The following AUTS2 variants were observed in gnomAD, a reference collection of about 807,000 sequenced individuals.
The protein encoded by AUTS2 is autism susceptibility gene 2 protein.
In AUTS2, 17 loss-of-function variants were observed where a neutral mutation model predicts 112.4. That is an observed-to-expected ratio of 0.15 (90% CI 0.10 to 0.23). AUTS2 has a LOEUF of 0.23. AUTS2 is among the 10% of genes least tolerant of loss of function. The pLI is 1.00. For missense variants in AUTS2, 1,510 were observed against 1,701.6 expected, an observed-to-expected ratio of 0.89 and a Z score of 1.98; for synonymous variants, 751 against 702.7, an observed-to-expected ratio of 1.07 and a Z score of -1.09.
At chr7:70,489,214 GA>G in intron 5 of AUTS2, among the ~76,000 whole-genome samples, 1 of 152,278 alleles carries the variant, frequency 6.6e-6, no homozygotes, top group East Asian at 1.9e-4. Context: ...GAAAGTTATT[GA>G]AAAAACACAA....
Position 70,559,356 on chromosome 7 carries a change from G to A in AUTS2, c.690+123575G>A, listed in dbSNP as rs867569967. 4.7e-5 allele frequency among the ~76,000 whole-genome samples: 7 copies of A among 149,506 alleles called. No individual in the cohort carries two copies. In the South Asian group the frequency reaches 1.5e-3, roughly 32 times the overall value. ...TTCTTTCTTTTTTTTTTTTTCTGAG[G>A]CGGAGTCTTGCTCTGTCACCCAGGC... is the stretch of plus-strand genomic sequence containing the variant. On this transcript the variant is annotated intron_variant, in intron 5 of 18. Coordinates refer to ENST00000342771, the MANE Select transcript of AUTS2 (RefSeq NM_015570.4).
At chr7:70,385,643 G>T (rs1179088114) in intron 4 of AUTS2, among the ~76,000 whole-genome samples, 1 of 152,182 alleles carries the variant, frequency 6.6e-6, no homozygotes, top group Non-Finnish European at 1.5e-5. Context: ...GGCTAAGGTG[G>T]GAAGATCGCT....
chr7:69,793,446 G>A (rs1325097508), intron 1 of AUTS2, among the ~76,000 whole-genome samples: 1 of 152,172 alleles, frequency 6.6e-6, no homozygotes, highest in Non-Finnish European at 1.5e-5. Context: ...TTCTAATGAT[G>A]TAGACAGTCC....
At chr7:69,760,405 C>T (rs1346741495) in intron 1 of AUTS2, among the ~76,000 whole-genome samples, 2 of 151,620 alleles carry the variant, frequency 1.3e-5, no homozygotes, top group Non-Finnish European at 2.9e-5. Context: ...TAATTCCAGA[C>T]CACAGAGAAG....
chr7:70,595,608 C>A (rs900810571), intron 5 of AUTS2, among the ~76,000 whole-genome samples: 2 of 152,038 alleles, frequency 1.3e-5, no homozygotes, highest in Admixed American at 6.6e-5. Flanking sequence ...TGAGGACACC[C>A]GGCGTCCAGG....
intron 4 of AUTS2, among the ~76,000 whole-genome samples, chr7:70,247,318 G>T (rs568930143): frequency 1.2e-4 from 19 of 152,212 alleles, no homozygotes; most frequent in African/African-American, 4.3e-4. Flanking sequence ...CACTGTCAAA[G>T]TCATAGAGAC....
At chr7:70,737,609 TC>T (rs1339908635) in intron 6 of AUTS2, among the ~76,000 whole-genome samples, 1 of 152,236 alleles carries the variant, frequency 6.6e-6, no homozygotes, top group East Asian at 1.9e-4. Flanking sequence ...TGTGTTGGTT[TC>T]CCCTTTCCTT....
At chr7:70,468,155 G>T (rs538433626) in intron 5 of AUTS2, among the ~76,000 whole-genome samples, 1 of 152,300 alleles carries the variant, frequency 6.6e-6, no homozygotes, top group Admixed American at 6.5e-5. Context: ...AAGTGAGGGC[G>T]ATTTGAGGGA....
At chr7:70,788,311 T>C (rs1563201084) in intron 18 of AUTS2, among the ~76,000 whole-genome samples, 1 of 152,252 alleles carries the variant, frequency 6.6e-6, no homozygotes, top group East Asian at 1.9e-4. Flanking sequence ...TGTGTGTGTG[T>C]ATATCCTAGT....
At chr7:70,477,610 G>A (rs1797631447) in intron 5 of AUTS2, among the ~76,000 whole-genome samples, 1 of 152,126 alleles carries the variant, frequency 6.6e-6, no homozygotes, top group Non-Finnish European at 1.5e-5. Context: ...ACCTGATTTG[G>A]TTGACATTTC....
rs535133855 is a variant in AUTS2, at chr7:70,279,770, G to C, written c.660+145199G>C. 5.3e-5 allele frequency among the ~76,000 whole-genome samples: 8 copies of C among 152,292 alleles called. No homozygotes were observed. The East Asian group carries it at 1.4e-3, about 26-fold the overall frequency. On this transcript the variant is annotated intron_variant, in intron 4 of 18. Coordinates refer to ENST00000342771, the MANE Select transcript of AUTS2 (RefSeq NM_015570.4). Reference sequence around the variant, plus strand: ...TCATGATCTTGTCCAGAAGGAGCCTGCCACCTCAAAAGTTCCAGCTCTATC... The same window carrying C: ...TCATGATCTTGTCCAGAAGGAGCCTCCCACCTCAAAAGTTCCAGCTCTATC...
At chr7:69,731,799 C>T (rs1012241239) in intron 1 of AUTS2, among the ~76,000 whole-genome samples, 1 of 152,068 alleles carries the variant, frequency 6.6e-6, no homozygotes, top group African/African-American at 2.4e-5. Context: ...TGTCTTTTGT[C>T]TTATTCATCT....
intron 1 of AUTS2, among the ~76,000 whole-genome samples, chr7:69,658,628 T>G (rs1173540717): frequency 6.6e-6 from 1 of 152,196 alleles, no homozygotes; most frequent in Non-Finnish European, 1.5e-5. Context: ...ATGGCATGAC[T>G]CTTCATGTCT....
At chr7:70,194,905 TATCTC>T (rs1810094047) in intron 4 of AUTS2, 1 of 152,186 alleles carries the variant, frequency 6.6e-6, no homozygotes, top group Non-Finnish European at 1.5e-5. Flanking sequence ...TAAGAGGTGT[TATCTC>T]AGACAGCACA....
At chr7:69,885,851 G>T (rs1230713731) in intron 1 of AUTS2, among the ~76,000 whole-genome samples, 1 of 152,160 alleles carries the variant, frequency 6.6e-6, no homozygotes, top group Non-Finnish European at 1.5e-5. Context: ...AGATAAATTA[G>T]TCCTCGCTTT....
chr7:70,054,573 A>G (rs1283769800), intron 2 of AUTS2, among the ~76,000 whole-genome samples: 1 of 152,228 alleles, frequency 6.6e-6, no homozygotes, highest in African/African-American at 2.4e-5. Context: ...TAATAAAAAC[A>G]AACAAAAAAA....
intron 4 of AUTS2, among the ~76,000 whole-genome samples, chr7:70,328,910 T>A (rs1790617198): frequency 6.6e-6 from 1 of 152,156 alleles, no homozygotes; most frequent in Admixed American, 6.5e-5. Flanking sequence ...CACTCCAGAG[T>A]AAAACCCCTT....
At chr7:70,390,186 A>G (rs572094261) in intron 4 of AUTS2, among the ~76,000 whole-genome samples, 36 of 152,352 alleles carry the variant, frequency 2.4e-4, no homozygotes, top group African/African-American at 8.4e-4. Flanking sequence ...TAGAAGTACC[A>G]ATAGCTTTGT....
intron 1 of AUTS2, among the ~76,000 whole-genome samples, chr7:69,652,956 G>C (rs749608769): frequency 6.6e-6 from 1 of 152,164 alleles, no homozygotes; most frequent in Non-Finnish European, 1.5e-5. Context: ...TTAAAAATGA[G>C]GTTCGTAGTG....
Sources: gnomAD v4.1 joint callset for allele counts (sites outside exome capture counted in the v4.1 genomes callset) on GRCh38, gnomAD v4.1.1 for gene constraint, MANE v1.5 for transcripts, NCBI Gene and HGNC (gene_info 2026-07-23, HGNC 2026-07-21) for gene names.